FRMD5: variants seen among roughly 807,000 people sequenced by gnomAD.
FRMD5 encodes FERM domain containing 5.
Under a neutral mutation model 69.0 loss-of-function variants are expected in FRMD5, and 20 were observed. That is an observed-to-expected ratio of 0.29 (90% CI 0.20 to 0.42). The LOEUF (loss-of-function observed/expected upper bound fraction) is 0.42. Ranked by LOEUF, FRMD5 falls within the 10% of genes least tolerant of loss-of-function variation. The probability of loss-of-function intolerance (pLI) is 1.00; values close to 1 mark genes in which losing one functional copy is unlikely to be tolerated. For synonymous variants in FRMD5, 271 were observed against 260.1 expected, an observed-to-expected ratio of 1.04 and a Z score of -0.40; for missense variants, 595 against 708.6, an observed-to-expected ratio of 0.84 and a Z score of 1.82.
intron 1 of FRMD5, among the ~76,000 whole-genome samples, chr15:44,070,436 T>C (rs906169029): frequency 6.6e-6 from 1 of 151,850 alleles, no homozygotes; most frequent in Non-Finnish European, 1.5e-5. Flanking sequence ...AAAGAACAAA[T>C]CACAAAAGAA....
At position 44,103,242 on chromosome 15, in the gene FRMD5, T is replaced by A. The variant is rs1262302292; in HGVS notation, c.102+91711A>T. The stretch of plus-strand genomic sequence containing the variant: ...AGTCTCTGAGAACTTGTCAGGTCAG[T>A]ATAGAAGGAGCTCTGTCAGAATCCA... On this transcript the variant is annotated intron_variant, in intron 1 of 13. Coordinates refer to ENST00000417257, the MANE Select transcript of FRMD5 (RefSeq NM_032892.5). Among the ~76,000 whole-genome samples the A allele has an allele frequency of 3.9e-5, 6 of 152,070 alleles. No individual in the cohort carries two copies. The South Asian group carries it at 1.2e-3, about 32-fold the overall frequency.
intron 1 of FRMD5, among the ~76,000 whole-genome samples, chr15:44,165,934 AT>A (rs901530915): frequency 2.0e-5 from 3 of 152,152 alleles, no homozygotes; most frequent in Non-Finnish European, 4.4e-5. Context: ...ATGTAAAAGA[AT>A]TTTTTTCACT....
intron 1 of FRMD5, among the ~76,000 whole-genome samples, chr15:44,192,836 C>T (rs2078218362): frequency 2.0e-5 from 3 of 152,146 alleles, no homozygotes; most frequent in Admixed American, 1.3e-4. Flanking sequence ...TCACAATGCA[C>T]AATCATTAAC....
intron 1 of FRMD5, among the ~76,000 whole-genome samples, chr15:43,932,794 A>G (rs887343514): frequency 6.6e-6 from 1 of 152,192 alleles, no homozygotes; most frequent in Non-Finnish European, 1.5e-5. Context: ...CAGATAAATG[A>G]GAGAGGGATG....
chr15:44,030,190 C>T lies in FRMD5; in HGVS notation c.103-105881G>A, dbSNP rs149638241. 3.2e-4 allele frequency among the ~76,000 whole-genome samples: 48 copies of T among 151,938 alleles called. 1 individual carries two copies. The East Asian group carries it at 7.5e-3, about 24-fold the overall frequency. On this transcript the variant is annotated intron_variant, in intron 1 of 13. Coordinates refer to ENST00000417257, the MANE Select transcript of FRMD5 (RefSeq NM_032892.5). ...ATGAACATGTGTGATCATTACAACA[C>T]TGATTTTTTTTTTTTACAAAATTAA...
At chr15:44,070,046 T>A (rs975520632) in intron 1 of FRMD5, among the ~76,000 whole-genome samples, 21 of 152,294 alleles carry the variant, frequency 1.4e-4, no homozygotes, top group African/African-American at 5.1e-4. Context: ...TGACAAATGG[T>A]AATTTAATAT....
At chr15:43,966,921 A>T (rs2090303554) in intron 1 of FRMD5, among the ~76,000 whole-genome samples, 1 of 152,194 alleles carries the variant, frequency 6.6e-6, no homozygotes, top group Non-Finnish European at 1.5e-5. Flanking sequence ...GAGGGGCAGG[A>T]AGAACAGTTA....
rs1595461761 is a variant in FRMD5, at chr15:43,872,080, T to C, written c.*1805A>G. On this transcript the variant is annotated 3_prime_UTR_variant, in exon 14 of 14. Transcript: ENST00000417257. ...TTCATTTACAAATTATCTGTGGCTG[T>C]TTTTGTGCTGTGATGGCAGAATTGA... is the stretch of plus-strand genomic sequence containing the variant. 6.6e-6 allele frequency: 1 copy of C among 152,240 alleles called. No homozygotes were observed. Among genetic ancestry groups the C allele is most frequent in the African/African-American group, 2.4e-5 (1 of 41,458 alleles). The allele number at this position is 152,240 out of a possible 1,614,324, so 9.4% of individuals were successfully genotyped here. A position where few individuals can be genotyped will look rare whatever the true frequency, so the allele number is the denominator to read the frequency against.
At chr15:44,053,459 AT>A (rs772589103) in intron 1 of FRMD5, among the ~76,000 whole-genome samples, 1 of 152,180 alleles carries the variant, frequency 6.6e-6, no homozygotes, top group South Asian at 2.1e-4. Flanking sequence ...AAATACTAGT[AT>A]TTTTACTGGA....
At chr15:44,010,977 C>CT (rs1409288400) in intron 1 of FRMD5, among the ~76,000 whole-genome samples, 2 of 152,038 alleles carry the variant, frequency 1.3e-5, no homozygotes, top group African/African-American at 2.4e-5. Flanking sequence ...TCCATGATCT[C>CT]TAATACTAGA....
At chr15:43,997,882 T>C (rs1890009487) in intron 1 of FRMD5, among the ~76,000 whole-genome samples, 1 of 152,134 alleles carries the variant, frequency 6.6e-6, no homozygotes, top group African/African-American at 2.4e-5. Context: ...TGTTCTTCAA[T>C]GTTCATGACA....
intron 1 of FRMD5, among the ~76,000 whole-genome samples, chr15:44,016,647 C>T (rs138836029): frequency 6.6e-5 from 10 of 151,692 alleles, no homozygotes; most frequent in African/African-American, 2.2e-4. Flanking sequence ...TGCTTGAACC[C>T]GGGAGGTGGA....
intron 4 of FRMD5, among the ~76,000 whole-genome samples, chr15:43,915,043 A>AT (rs1378820925): frequency 6.6e-6 from 1 of 152,048 alleles, no homozygotes; most frequent in Non-Finnish European, 1.5e-5. Flanking sequence ...TACCATTTTA[A>AT]TCCTTGTTTA....
At chr15:43,934,244 T>A (rs184739825) in intron 1 of FRMD5, among the ~76,000 whole-genome samples, 1 of 152,156 alleles carries the variant, frequency 6.6e-6, no homozygotes, top group Non-Finnish European at 1.5e-5. Flanking sequence ...GGCAGGGAGT[T>A]TGGGGCAGGA....
intron 1 of FRMD5, among the ~76,000 whole-genome samples, chr15:44,166,609 C>G (rs1321386142): frequency 6.6e-6 from 1 of 151,624 alleles, no homozygotes; most frequent in Non-Finnish European, 1.5e-5. Flanking sequence ...ATGTGGCAAA[C>G]CCCATCTCTA....
At chr15:44,160,365 TA>T (rs1402717098) in intron 1 of FRMD5, among the ~76,000 whole-genome samples, 2 of 151,832 alleles carry the variant, frequency 1.3e-5, no homozygotes, top group African/African-American at 4.8e-5. Context: ...AAAAAATAAA[TA>T]AATAAATAAC....
chr15:44,018,631 A>G (rs1167570971), intron 1 of FRMD5, among the ~76,000 whole-genome samples: 1 of 152,116 alleles, frequency 6.6e-6, no homozygotes, highest in Non-Finnish European at 1.5e-5. Context: ...TTCTAGTCTG[A>G]CTCAAGGAGT....
chr15:44,087,107 C>T (rs1230293995), intron 1 of FRMD5, among the ~76,000 whole-genome samples: 2 of 152,190 alleles, frequency 1.3e-5, no homozygotes, highest in Non-Finnish European at 2.9e-5. Context: ...CAACTTTCGT[C>T]TCCCAGGTTC....
intron 1 of FRMD5, among the ~76,000 whole-genome samples, chr15:43,992,385 T>A (rs1373516566): frequency 6.6e-6 from 1 of 151,998 alleles, no homozygotes; most frequent in Non-Finnish European, 1.5e-5. Context: ...TTATATTTAT[T>A]TTTATTTTTT....
Sources: allele counts gnomAD v4.1 joint callset (sites outside exome capture counted in the v4.1 genomes callset), GRCh38; gene constraint gnomAD v4.1.1; transcripts MANE v1.5; gene names NCBI Gene and HGNC (gene_info 2026-07-23, HGNC 2026-07-21).